The following DPP10 variants were observed in gnomAD, a reference collection of about 807,000 sequenced individuals.
The protein encoded by DPP10 is dipeptidyl peptidase like 10.
A neutral mutation model predicts 120.9 loss-of-function variants in DPP10; 33 were observed. The observed-to-expected ratio is 0.27, with a 90% confidence interval of 0.21 to 0.37. The LOEUF (loss-of-function observed/expected upper bound fraction) is 0.37. Ranked by LOEUF, DPP10 falls within the 10% of genes least tolerant of loss-of-function variation. The probability of loss-of-function intolerance (pLI) is 1.00; values close to 1 mark genes in which losing one functional copy is unlikely to be tolerated. For missense variants in DPP10, 816 were observed against 942.8 expected, an observed-to-expected ratio of 0.87 and a Z score of 1.76; for synonymous variants, 337 against 326.1, an observed-to-expected ratio of 1.03 and a Z score of -0.36.
chr2:115,756,141 A>G (rs1679376818), intron 11 of DPP10, among the ~76,000 whole-genome samples: 1 of 152,102 alleles, frequency 6.6e-6, no homozygotes, highest in Non-Finnish European at 1.5e-5. Context: ...AATTGCACTT[A>G]TAGAAGTAGA....
At chr2:114,641,818 C>T (rs1274283284) in intron 1 of DPP10, among the ~76,000 whole-genome samples, 2 of 151,780 alleles carry the variant, frequency 1.3e-5, no homozygotes, top group African/African-American at 4.9e-5. Context: ...TTTTTTTATA[C>T]TGCTTATAGA....
intron 3 of DPP10, among the ~76,000 whole-genome samples, chr2:115,419,992 G>GA (rs1223721567): frequency 6.6e-6 from 1 of 152,014 alleles, no homozygotes; most frequent in African/African-American, 2.4e-5. Flanking sequence ...TTAACTGAGG[G>GA]AAAAAATGTG....
chr2:115,652,357 T>C (rs2087862332), intron 5 of DPP10, among the ~76,000 whole-genome samples: 1 of 151,860 alleles, frequency 6.6e-6, no homozygotes, highest in East Asian at 1.9e-4. Context: ...ATTGCTTATT[T>C]CTTCATGTAT....
intron 1 of DPP10, among the ~76,000 whole-genome samples, chr2:115,163,640 C>T (rs1338732036): frequency 6.6e-6 from 1 of 152,160 alleles, no homozygotes; most frequent in Non-Finnish European, 1.5e-5. Flanking sequence ...ATTGAACATC[C>T]TCTTTCAGGC....
chr2:114,993,578 GTGTATATATATATATA>G (rs1309322605), intron 1 of DPP10, among the ~76,000 whole-genome samples: 2 of 89,198 alleles, frequency 2.2e-5, no homozygotes, highest in Admixed American at 1.4e-4. Flanking sequence ...GTGTGTGTGT[GTGTATATATATATATA>G]TATATATATA....
chr2:115,248,176 T>C (rs1309373109), intron 1 of DPP10, among the ~76,000 whole-genome samples: 1 of 152,210 alleles, frequency 6.6e-6, no homozygotes, highest in African/African-American at 2.4e-5. Context: ...CAGTGTCTGA[T>C]GGATGCTGCT....
intron 5 of DPP10, among the ~76,000 whole-genome samples, chr2:115,636,886 A>T (rs1371196794): frequency 6.6e-6 from 1 of 152,162 alleles, no homozygotes; most frequent in Non-Finnish European, 1.5e-5. Flanking sequence ...AGGAAGTGGA[A>T]TCTTAAGAGA....
At chr2:115,556,271 C>G (rs76744062) in intron 5 of DPP10, among the ~76,000 whole-genome samples, 2,030 of 151,812 alleles carry the variant, frequency 0.013, 30 homozygotes, top group African/African-American at 0.045. Context: ...AATCCATGGC[C>G]TCTGGGCTGT....
At chr2:115,629,505 A>G (rs938942200) in intron 5 of DPP10, among the ~76,000 whole-genome samples, 1 of 152,130 alleles carries the variant, frequency 6.6e-6, no homozygotes, top group African/African-American at 2.4e-5. Context: ...AATGATTGCC[A>G]TTCTAACTGG....
At chr2:114,759,781 G>A (rs1443231616) in intron 1 of DPP10, among the ~76,000 whole-genome samples, 2 of 117,290 alleles carry the variant, frequency 1.7e-5, no homozygotes, top group African/African-American at 6.4e-5. Context: ...ACAGAGCCTG[G>A]AAAATTGCCA....
chr2:115,424,288 G>T (rs1386645898), intron 3 of DPP10, among the ~76,000 whole-genome samples: 1 of 151,852 alleles, frequency 6.6e-6, no homozygotes, highest in Non-Finnish European at 1.5e-5. Context: ...TTTGCATTAA[G>T]CCAGAACTTA....
chr2:114,757,978 G>A (rs769186012), intron 1 of DPP10, among the ~76,000 whole-genome samples: 8 of 152,064 alleles, frequency 5.3e-5, no homozygotes, highest in Non-Finnish European at 1.0e-4. Flanking sequence ...CTCACACAAC[G>A]AAGTTGAATA....
At chr2:115,335,496 C>T (rs1242896338) in intron 2 of DPP10, among the ~76,000 whole-genome samples, 2 of 151,606 alleles carry the variant, frequency 1.3e-5, no homozygotes, top group Non-Finnish European at 2.9e-5. Flanking sequence ...TCATCTGCTG[C>T]CTAAAGTTTC....
At chr2:115,650,361 G>T (rs1168301228) in intron 5 of DPP10, among the ~76,000 whole-genome samples, 1 of 138,212 alleles carries the variant, frequency 7.2e-6, no homozygotes, top group African/African-American at 2.6e-5. Flanking sequence ...TTATCGTCTC[G>T]ATCTTGAAGC....
Position 114,803,405 on chromosome 2 carries a change from A to C in DPP10, c.60+360567A>C, listed in dbSNP as rs959567641. On this transcript the variant is annotated intron_variant, in intron 1 of 25. Coordinates refer to ENST00000410059, the MANE Select transcript of DPP10 (RefSeq NM_020868.6). ...CCAAAAATGTGGAAGCAACTTTGGA[A>C]CTTGGGTAAGAGGTAGAGGTTGGAC... Among the ~76,000 whole-genome samples, 3 of 152,212 alleles carry C rather than the reference A, an allele frequency of 2.0e-5. No homozygotes were observed. The East Asian group carries it at 5.8e-4, about 29-fold the overall frequency.
At chr2:115,006,864 G>T (rs555347955) in intron 1 of DPP10, among the ~76,000 whole-genome samples, 3 of 151,518 alleles carry the variant, frequency 2.0e-5, no homozygotes, top group Admixed American at 1.3e-4. Context: ...TGCACCAAGC[G>T]GACCTAATAG....
At chr2:114,939,731 T>C (rs1696756128) in intron 1 of DPP10, among the ~76,000 whole-genome samples, 1 of 152,172 alleles carries the variant, frequency 6.6e-6, no homozygotes, top group Non-Finnish European at 1.5e-5. Flanking sequence ...TTAGAACTTG[T>C]GTTCACATGT....
intron 5 of DPP10, among the ~76,000 whole-genome samples, chr2:115,628,719 T>C (rs1185187740): frequency 6.6e-6 from 1 of 152,130 alleles, no homozygotes; most frequent in African/African-American, 2.4e-5. Flanking sequence ...GGGTTCAGTT[T>C]CAATTTTCTA....
chr2:115,441,776 T>C lies in DPP10; in HGVS notation c.272-57734T>C, dbSNP rs560058916. 8.5e-5 allele frequency among the ~76,000 whole-genome samples: 13 copies of C among 152,074 alleles called. No homozygotes were observed. In the East Asian group the frequency reaches 2.5e-3, roughly 29 times the overall value. ...ATGAATTTAAACTTTTAAATTTTTT[T>C]GTCAGACCTATGTCAAGACAAGTTT... is the stretch of plus-strand genomic sequence containing the variant. On this transcript the variant is annotated intron_variant, in intron 3 of 25. Coordinates refer to ENST00000410059, the MANE Select transcript of DPP10 (RefSeq NM_020868.6).
Sources: gnomAD v4.1 joint callset for allele counts (sites outside exome capture counted in the v4.1 genomes callset) on GRCh38, gnomAD v4.1.1 for gene constraint, MANE v1.5 for transcripts, NCBI Gene and HGNC (gene_info 2026-07-23, HGNC 2026-07-21) for gene names.